CUX1: variants seen among roughly 807,000 people sequenced by gnomAD.
The protein encoded by CUX1 is cut like homeobox 1, also known as protein CASP.
A neutral mutation model predicts 158.8 loss-of-function variants in CUX1; 31 were observed. The observed-to-expected ratio is 0.20, with a 90% CI of 0.15 to 0.26. The LOEUF is 0.26. CUX1 is among the 10% of genes least tolerant of loss of function. CUX1 has a pLI of 1.00. For missense variants in CUX1, 1,589 were observed against 2,014.6 expected (o/e 0.79, Z 4.04); for synonymous variants, 879 against 862.1 (o/e 1.02, Z -0.34).
At chr7:101,925,825 C>T (rs1805518760) in intron 2 of CUX1, among the ~76,000 whole-genome samples, 1 of 152,018 alleles carries the variant, frequency 6.6e-6, no homozygotes, top group African/African-American at 2.4e-5. Flanking sequence ...CCCAGCTACT[C>T]AGAAGGCTGA....
chr7:102,016,555 T>G (rs1036945289), intron 2 of CUX1, among the ~76,000 whole-genome samples: 2 of 152,218 alleles, frequency 1.3e-5, no homozygotes, highest in African/African-American at 4.8e-5. Flanking sequence ...CAGATTACAC[T>G]GAGCCATGAC....
chr7:102,226,693 C>T (rs1055234975), intron 20 of CUX1, among the ~76,000 whole-genome samples: 1 of 152,156 alleles, frequency 6.6e-6, no homozygotes, highest in Non-Finnish European at 1.5e-5. Flanking sequence ...TGCAGTGGCA[C>T]AATCTTGGCT....
chr7:101,819,539 G>T (rs1792245824), intron 1 of CUX1, among the ~76,000 whole-genome samples: 3 of 152,100 alleles, frequency 2.0e-5, no homozygotes, highest in Admixed American at 6.5e-5. Flanking sequence ...TCCCCCTGTT[G>T]TGGAAGTGTG....
chr7:101,934,119 A>G (rs1806633208), intron 2 of CUX1, among the ~76,000 whole-genome samples: 2 of 152,186 alleles, frequency 1.3e-5, no homozygotes, highest in African/African-American at 4.8e-5. Context: ...TTTCTATCCT[A>G]TGGAACCTTA....
chr7:102,030,365 C>T (rs1563152538), intron 3 of CUX1, among the ~76,000 whole-genome samples: 2 of 151,558 alleles, frequency 1.3e-5, no homozygotes, highest in Non-Finnish European at 2.9e-5. Context: ...ACCCCATGTA[C>T]CTCCCCCCTC....
intron 23 of CUX1, among the ~76,000 whole-genome samples, chr7:102,241,337 C>T (rs1586400466): frequency 6.6e-6 from 1 of 152,168 alleles, no homozygotes; most frequent in African/African-American, 2.4e-5. Flanking sequence ...GATCCCTAAG[C>T]TAGTGCCTTG....
intron 1 of CUX1, among the ~76,000 whole-genome samples, chr7:101,906,147 G>A (rs1302852428): frequency 6.6e-6 from 1 of 151,950 alleles, no homozygotes; most frequent in African/African-American, 2.4e-5. Context: ...TACTAGCGCT[G>A]ACTACATGCC....
At chr7:102,010,087 T>C (rs1345856472) in intron 2 of CUX1, among the ~76,000 whole-genome samples, 1 of 151,920 alleles carries the variant, frequency 6.6e-6, no homozygotes, top group East Asian at 1.9e-4. Context: ...GGTGCTAGAT[T>C]CCATGATATG....
At chr7:102,195,436 C>G in intron 13 of CUX1, 71 bp from the exon 14 acceptor site, 1 of 1,294,314 alleles carries the variant, frequency 7.7e-7, no homozygotes, top group Non-Finnish European at 1.1e-6. Flanking sequence ...AGGCAGGGCT[C>G]CAGGCCTGGT....
At chr7:102,019,862 A>C (rs1343675731) in intron 2 of CUX1, among the ~76,000 whole-genome samples, 2 of 152,252 alleles carry the variant, frequency 1.3e-5, no homozygotes. Context: ...CAAAAAACTC[A>C]CAAAGATGTG....
Position 102,045,328 on chromosome 7 carries a change from A to G in CUX1, c.189+17183A>G, listed in dbSNP as rs144869504. 1.5e-3 allele frequency among the ~76,000 whole-genome samples: 236 copies of G among 152,326 alleles called. 5 individuals are homozygous for G. In the East Asian group the frequency reaches 0.038, roughly 24 times the overall value. ...TATGTTGAGGCTAAGTCCATGATCT[A>G]TGGAAGCCGGGGCAGGAGCCGTGCG... is the stretch of plus-strand genomic sequence containing the variant. On this transcript the variant is annotated intron_variant, in intron 3 of 23. Transcript: ENST00000292535.
chr7:102,035,652 CAAAAAAA>C (rs10699446), intron 3 of CUX1, among the ~76,000 whole-genome samples: 4 of 90,654 alleles, frequency 4.4e-5, no homozygotes, highest in Non-Finnish European at 6.2e-5. Flanking sequence ...GATAGCCAGC[CAAAAAAA>C]AAAAAAAAAA....
At chr7:102,006,980 T>G (rs1023887135) in intron 2 of CUX1, among the ~76,000 whole-genome samples, 1 of 152,202 alleles carries the variant, frequency 6.6e-6, no homozygotes, top group East Asian at 1.9e-4. Flanking sequence ...AGCGCGGGCC[T>G]CCTCCTCTGC....
chr7:102,088,701 C>T (rs1166879164), intron 4 of CUX1, among the ~76,000 whole-genome samples: 1 of 152,168 alleles, frequency 6.6e-6, no homozygotes, highest in Admixed American at 6.5e-5. Context: ...TTTTCTCTCT[C>T]TGGACTGACT....
chr7:102,278,980 C>T (rs1791839866), intron 18 of CUX1, among the ~76,000 whole-genome samples: 1 of 152,006 alleles, frequency 6.6e-6, no homozygotes, highest in Non-Finnish European at 1.5e-5. Flanking sequence ...GTACAGGCTG[C>T]AGTGAGCTGA....
At chr7:102,209,394 G>C (rs1471051574) in intron 20 of CUX1, among the ~76,000 whole-genome samples, 1 of 152,140 alleles carries the variant, frequency 6.6e-6, no homozygotes. Flanking sequence ...CGTCACTAGT[G>C]ACCCACCACT....
chr7:102,031,901 G>T (rs1336091568), intron 3 of CUX1, among the ~76,000 whole-genome samples: 1 of 150,702 alleles, frequency 6.6e-6, no homozygotes, highest in Non-Finnish European at 1.5e-5. Context: ...CTCCCAAAAT[G>T]TGACATTTAT....
At chr7:102,141,071 G>A (rs1297142272) in intron 8 of CUX1, among the ~76,000 whole-genome samples, 3 of 152,082 alleles carry the variant, frequency 2.0e-5, no homozygotes, top group Non-Finnish European at 4.4e-5. Context: ...TGAAGGGAAC[G>A]GACGGTCTTC....
intron 2 of CUX1, among the ~76,000 whole-genome samples, chr7:101,927,673 C>T (rs1377702658): frequency 6.6e-6 from 1 of 152,168 alleles, no homozygotes; most frequent in Non-Finnish European, 1.5e-5. Flanking sequence ...AACACACACA[C>T]AAAATTAGTC....
Sources: gnomAD v4.1 joint callset for allele counts (sites outside exome capture counted in the v4.1 genomes callset) on GRCh38, gnomAD v4.1.1 for gene constraint, MANE v1.5 for transcripts, NCBI Gene and HGNC (gene_info 2026-07-23, HGNC 2026-07-21) for gene names.